The following RPS6KC1 variants were observed in gnomAD, a reference collection of about 807,000 sequenced individuals.
RPS6KC1 encodes inactive ribosomal protein S6 kinase delta-1.
A neutral mutation model predicts 103.8 loss-of-function variants in RPS6KC1; 54 were observed. The observed-to-expected ratio is 0.52, with a 90% CI of 0.42 to 0.65. The LOEUF (loss-of-function observed/expected upper bound fraction) is 0.65. Among genes scored for constraint, RPS6KC1 ranks in the 30% least tolerant of loss-of-function variants. RPS6KC1 has a pLI of 0.00. For synonymous variants in RPS6KC1, 439 were observed against 438.7 expected, an observed-to-expected ratio of 1.00 and a Z score of -0.01; for missense variants, 1,151 against 1,253.8, an observed-to-expected ratio of 0.92 and a Z score of 1.24.
the RPS6KC1 span, among the ~76,000 whole-genome samples, chr1:213,477,874 CATT>C: frequency 1.3e-5 from 2 of 152,070 alleles, no homozygotes; most frequent in African/African-American, 4.8e-5. Context: ...AATATCAACA[CATT>C]ATTACCAACC....
At chr1:213,738,494 C>T in the RPS6KC1 span, among the ~76,000 whole-genome samples, 2,947 of 152,086 alleles carry the variant, frequency 0.019, 50 homozygotes, top group Middle Eastern at 0.037. Context: ...GGTAATGAGC[C>T]GCTTAGAGCT....
At chr1:213,545,411 T>TAAATAAATAAATA in the RPS6KC1 span, among the ~76,000 whole-genome samples, 1,185 of 75,050 alleles carry the variant, frequency 0.016, 14 homozygotes, top group Middle Eastern at 0.028. Flanking sequence ...AATAAATAAA[T>TAAATAAATAAATA]AAATAAAATA....
the RPS6KC1 span, among the ~76,000 whole-genome samples, chr1:213,691,370 C>A: frequency 6.6e-6 from 1 of 152,208 alleles, no homozygotes; most frequent in Non-Finnish European, 1.5e-5. Flanking sequence ...TCTTGTGAGA[C>A]CTTGGGGTCC....
At chr1:213,493,958 A>T in the RPS6KC1 span, among the ~76,000 whole-genome samples, 1 of 151,110 alleles carries the variant, frequency 6.6e-6, no homozygotes, top group Non-Finnish European at 1.5e-5. Context: ...CAGCAGAGTC[A>T]CCTTGGAACT....
chr1:213,666,232 C>A, the RPS6KC1 span, among the ~76,000 whole-genome samples: 2 of 152,122 alleles, frequency 1.3e-5, no homozygotes, highest in African/African-American at 4.8e-5. Context: ...CAAAAACCCT[C>A]AGAAGTAAAT....
the RPS6KC1 span, among the ~76,000 whole-genome samples, chr1:213,732,951 C>T: frequency 2.0e-5 from 3 of 152,152 alleles, no homozygotes; most frequent in Admixed American, 1.3e-4. Flanking sequence ...CCTTCAGGTT[C>T]ATCATGTCTG....
the RPS6KC1 span, among the ~76,000 whole-genome samples, chr1:213,703,384 C>A: frequency 6.6e-6 from 1 of 152,132 alleles, no homozygotes; most frequent in Admixed American, 6.5e-5. Flanking sequence ...GAGTCATTTA[C>A]ACACCACAGT....
intron 8 of RPS6KC1, 132 bp downstream of exon 8, chr1:213,176,624 A>G (rs2091890606): frequency 1.9e-6 from 1 of 531,492 alleles, no homozygotes; most frequent in East Asian, 2.9e-5. Flanking sequence ...GCACTTTACA[A>G]TAACAAAAGC....
At chr1:213,750,234 C>G in the RPS6KC1 span, among the ~76,000 whole-genome samples, 1 of 152,226 alleles carries the variant, frequency 6.6e-6, no homozygotes, top group Non-Finnish European at 1.5e-5. Flanking sequence ...GTAGGCTTTC[C>G]AGCCCCTGAA....
At chr1:213,584,930 T>C in the RPS6KC1 span, among the ~76,000 whole-genome samples, 2 of 152,184 alleles carry the variant, frequency 1.3e-5, no homozygotes, top group Non-Finnish European at 2.9e-5. Flanking sequence ...CAAATCTTTA[T>C]AGACAAACAG....
At chr1:213,271,111 A>G (rs1169376626) in intron 14 of RPS6KC1, among the ~76,000 whole-genome samples, 1 of 152,244 alleles carries the variant, frequency 6.6e-6, no homozygotes, top group Non-Finnish European at 1.5e-5. Flanking sequence ...ATATATGTCT[A>G]CACAAAGACA....
chr1:213,656,842 C>T, the RPS6KC1 span, among the ~76,000 whole-genome samples: 10 of 152,214 alleles, frequency 6.6e-5, no homozygotes, highest in Non-Finnish European at 1.3e-4. Context: ...CTATTCACAA[C>T]GATCATTTCC....
At chr1:213,434,208 A>G in the RPS6KC1 span, among the ~76,000 whole-genome samples, 1 of 151,748 alleles carries the variant, frequency 6.6e-6, no homozygotes, top group African/African-American at 2.4e-5. Context: ...CCTTCTGCCT[A>G]AAGGACGTCC....
chr1:213,487,524 A>G, the RPS6KC1 span, among the ~76,000 whole-genome samples: 1 of 151,956 alleles, frequency 6.6e-6, no homozygotes, highest in Non-Finnish European at 1.5e-5. Context: ...AAGAATGATG[A>G]TGCCATTTCT....
chr1:213,386,654 T>C, the RPS6KC1 span, among the ~76,000 whole-genome samples: 1 of 152,210 alleles, frequency 6.6e-6, no homozygotes, highest in Non-Finnish European at 1.5e-5. Context: ...TCATCACTGA[T>C]GGCAGATGTT....
At chr1:213,690,029 C>G in the RPS6KC1 span, among the ~76,000 whole-genome samples, 1 of 152,232 alleles carries the variant, frequency 6.6e-6, no homozygotes, top group Non-Finnish European at 1.5e-5. Flanking sequence ...CTAAGCATGG[C>G]CCCCAGCATC....
At chr1:213,736,818 A>G in the RPS6KC1 span, among the ~76,000 whole-genome samples, 2 of 152,230 alleles carry the variant, frequency 1.3e-5, no homozygotes, top group African/African-American at 2.4e-5. Flanking sequence ...GTCCCAGGCA[A>G]ATGAGGATAG....
At chr1:213,105,487 G>GTGGATCTACACA (rs2082402517) in intron 4 of RPS6KC1, among the ~76,000 whole-genome samples, 1 of 121,676 alleles carries the variant, frequency 8.2e-6, no homozygotes, top group Non-Finnish European at 1.8e-5. Context: ...TCTGATTTTA[G>GTGGATCTACACA]TGGATCTACA....
chr1:213,263,860 G>A (rs1010207354), intron 14 of RPS6KC1, among the ~76,000 whole-genome samples: 3 of 152,128 alleles, frequency 2.0e-5, no homozygotes, highest in Admixed American at 6.5e-5. Context: ...ATAATCCGTG[G>A]AGTGGTAGTA....
Sources: allele counts gnomAD v4.1 joint callset (sites outside exome capture counted in the v4.1 genomes callset), GRCh38; gene constraint gnomAD v4.1.1; transcripts MANE v1.5; gene names NCBI Gene and HGNC (gene_info 2026-07-23, HGNC 2026-07-21).